The following GYG1 variants were observed in gnomAD, a reference collection of about 807,000 sequenced individuals.
GYG1 encodes the protein glycogenin 1, also known as glycogenin-1.
Under a neutral mutation model 41.9 loss-of-function variants are expected in GYG1, and 44 were observed. That is an observed-to-expected ratio of 1.05 (90% CI 0.83 to 1.35). The LOEUF (loss-of-function observed/expected upper bound fraction) is 1.35, where lower values mean the gene tolerates loss of function less well. GYG1 is among the 40% of genes most tolerant of loss of function. GYG1 has a pLI of 0.00. For missense variants in GYG1, 429 were observed against 418.9 expected (o/e 1.02, Z -0.21); for synonymous variants, 141 against 158.1 (o/e 0.89, Z 0.81).
At chr3:149,012,934 T>C (rs1282928799) in intron 5 of GYG1, among the ~76,000 whole-genome samples, 1 of 151,914 alleles carries the variant, frequency 6.6e-6, no homozygotes, top group East Asian at 1.9e-4. Context: ...CAAGTGATCC[T>C]CCTGCCTCAG....
At chr3:149,009,492 G>A in intron 5 of GYG1, 90 bp downstream of exon 5, 1 of 1,242,956 alleles carries the variant, frequency 8.0e-7, no homozygotes. Context: ...GTCATTCCGA[G>A]GGAAATAACA....
chr3:149,026,476 G>T lies in GYG1; in HGVS notation c.853G>T (p.Ala285Ser). 2 of 1,606,478 alleles carry T rather than the reference G, an allele frequency of 1.2e-6. No individual in the cohort carries two copies. Among genetic ancestry groups the T allele is most frequent in the Non-Finnish European group, 1.7e-6 (2 of 1,173,110 alleles). The change falls in exon 7 of 8, where the codon GCT becomes TCT. Residue 285 changes from alanine to serine, a missense_variant. By Grantham distance (99) the Ala-to-Ser change is moderately conservative (BLOSUM62 1). Coordinates refer to ENST00000345003, the MANE Select transcript of GYG1 (RefSeq NM_004130.4). ...NVLSDLVYTL[A>S]FSCGFCRKED... ...GCTTTCAGACTTGGTCTATACACTG[G>T]CTTTCTCTTGTGGCTTCTGTAGAAA...
At chr3:149,010,194 C>T (rs75341407) in intron 5 of GYG1, among the ~76,000 whole-genome samples, 3 of 152,130 alleles carry the variant, frequency 2.0e-5, no homozygotes, top group Admixed American at 6.5e-5. Context: ...ATATGTAAAA[C>T]GAGGAGGAAA....
intron 5 of GYG1, among the ~76,000 whole-genome samples, chr3:149,020,107 C>A (rs1415711730): frequency 6.6e-6 from 1 of 152,210 alleles, no homozygotes. Flanking sequence ...TAAGCACCAC[C>A]CATTTCTTGT....
intron 5 of GYG1, 38 bp downstream of exon 5, chr3:149,009,440 A>G (rs1180278518): frequency 6.2e-7 from 1 of 1,606,872 alleles, no homozygotes; most frequent in Non-Finnish European, 8.5e-7. Context: ...GGAGATGTTG[A>G]GGGCAGAGAA....
intron 4 of GYG1, among the ~76,000 whole-genome samples, chr3:149,000,142 A>G (rs1460199712): frequency 1.3e-5 from 2 of 152,240 alleles, no homozygotes; most frequent in Non-Finnish European, 2.9e-5. Context: ...GACTCTGGCC[A>G]AGAGAATAAT....
At chr3:149,021,205 T>C (rs16861300) in intron 5 of GYG1, among the ~76,000 whole-genome samples, 1 of 152,222 alleles carries the variant, frequency 6.6e-6, no homozygotes. Context: ...TTTATGCAGA[T>C]GACCCATCTT....
At chr3:149,020,212 A>C (rs1275856940) in intron 5 of GYG1, among the ~76,000 whole-genome samples, 1 of 152,218 alleles carries the variant, frequency 6.6e-6, no homozygotes, top group Non-Finnish European at 1.5e-5. Context: ...CTTACTTCAT[A>C]ATATGCTTTC....
Position 149,029,947 on chromosome 3 carries a change from C to A in GYG1, c.*3014C>A, listed in dbSNP as rs963248938. Among the ~76,000 whole-genome samples the A allele has an allele frequency of 4.6e-5, 7 of 152,160 alleles. No homozygotes were observed. Among genetic ancestry groups the A allele is most frequent in the Admixed American group, 3.9e-4 (6 of 15,286 alleles). Reference sequence around the variant, plus strand: ...TAAATAAGCACTCTTGATTTCTGAACAAGAATTTCAACCAGCTAAATTGAG... The same window carrying A: ...TAAATAAGCACTCTTGATTTCTGAAAAAGAATTTCAACCAGCTAAATTGAG... On this transcript the variant is annotated 3_prime_UTR_variant, in exon 8 of 8. Coordinates refer to ENST00000345003, the MANE Select transcript of GYG1 (RefSeq NM_004130.4).
chr3:149,005,901 C>T (rs569501945), intron 4 of GYG1, among the ~76,000 whole-genome samples: 1 of 152,184 alleles, frequency 6.6e-6, no homozygotes, highest in East Asian at 1.9e-4. Context: ...GACATTGGAC[C>T]AATCCACCAA....
At chr3:149,011,067 A>G (rs1203385770) in intron 5 of GYG1, among the ~76,000 whole-genome samples, 1 of 152,188 alleles carries the variant, frequency 6.6e-6, no homozygotes, top group Admixed American at 6.5e-5. Flanking sequence ...TTCCCTTGGT[A>G]TATGTCTCCA....
In GYG1 at chr3:148,991,627, C is replaced by G; in HGVS notation, c.-14C>G. 2 of 1,552,648 alleles carry G rather than the reference C, an allele frequency of 1.3e-6. No homozygotes were observed. Among genetic ancestry groups the G allele is most frequent in the East Asian group, 4.8e-5 (2 of 41,670 alleles). On this transcript the variant is annotated 5_prime_UTR_variant, in exon 1 of 8. Transcript: ENST00000345003. The stretch of plus-strand genomic sequence containing the variant: ...CCTGAGGCTGCCCCGGCCGCCTGCG[C>G]ACCCGGCAGCACCATGACAGGTACC...
In GYG1 at chr3:148,996,309, T is replaced by C; in HGVS notation, c.151T>C (p.Leu51=). 1 of 1,610,412 alleles carries C rather than the reference T, an allele frequency of 6.2e-7. No individual in the cohort carries two copies. Among genetic ancestry groups the C allele is most frequent in the Non-Finnish European group, 8.5e-7 (1 of 1,178,386 alleles). ...PQVSDSMRKV[L]ETVFDEVIMV... The stretch of plus-strand genomic sequence containing the variant: ...TGGATTTTATTTTGACAGAAAAGTT[T>C]TAGAGACAGTCTTTGATGAAGTCAT... Residue 51 remains leucine (L), a synonymous_variant, in exon 3 of 8, where the codon TTA becomes CTA. Coordinates refer to ENST00000345003, the MANE Select transcript of GYG1 (RefSeq NM_004130.4).
chr3:148,993,284 G>A (rs924249743), intron 1 of GYG1, among the ~76,000 whole-genome samples: 1 of 144,666 alleles, frequency 6.9e-6, no homozygotes, highest in Admixed American at 6.9e-5. Context: ...AGTGATTATT[G>A]GAGATTGGGG....
chr3:149,019,621 G>A lies in GYG1; in HGVS notation c.609-4432G>A, dbSNP rs561351468. 5.9e-5 allele frequency among the ~76,000 whole-genome samples: 9 copies of A among 152,252 alleles called. No individual in the cohort carries two copies. The South Asian group carries it at 1.9e-3, about 32-fold the overall frequency. On this transcript the variant is annotated intron_variant, in intron 5 of 7. Coordinates refer to ENST00000345003, the MANE Select transcript of GYG1 (RefSeq NM_004130.4). ...GGATACAGTTTTTTCACTTTGTTAG[G>A]GTAGAATAGGTAAAGAAGGTAATTT... is the stretch of plus-strand genomic sequence containing the variant.
At chr3:148,999,038 G>T (rs1012966336) in intron 4 of GYG1, among the ~76,000 whole-genome samples, 1 of 152,166 alleles carries the variant, frequency 6.6e-6, no homozygotes, top group African/African-American at 2.4e-5. Context: ...CCTAGAAAAC[G>T]ATTAGATGTT....
chr3:148,991,709 C>A, intron 1 of GYG1, 62 bp downstream of exon 1: 1 of 1,257,096 alleles, frequency 8.0e-7, no homozygotes, highest in Non-Finnish European at 1.1e-6. Flanking sequence ...CAGCCGCCGC[C>A]TCCCTTCTCC....
rs1158854635 is a variant in GYG1 at position 149,027,614 on chromosome 3, TAA to T, written c.*684_*685del. 6.6e-6 allele frequency: 1 copy of T among 152,592 alleles called. No homozygotes were observed. The highest frequency in any genetic ancestry group is 1.9e-4 in the East Asian group (1 of 5,200). The allele number at this position is 152,592 out of a possible 1,614,324, so 9.5% of individuals were successfully genotyped here. ...CTGCAGTGGCACCCTGTACAAAAAA[TAA>T]AAGACTTATTGCTGTATCTTGGTTG... On this transcript the variant is annotated 3_prime_UTR_variant, in exon 8 of 8. Transcript: ENST00000345003.
At position 149,017,582 on chromosome 3, in the gene GYG1, G is replaced by GTTTTTTTTTTTTTTTTTTTTTTTTTTTT. The variant is rs58075146; in HGVS notation, c.609-6468_609-6441dup. On this transcript the variant is annotated intron_variant, in intron 5 of 7. Coordinates refer to ENST00000345003, the MANE Select transcript of GYG1 (RefSeq NM_004130.4). ...TTATTTATTTATTTCTTTTATTTAG[G>GTTTTTTTTTTTTTTTTTTTTTTTTTTTT]TTTTTTTTTTTTTTTTTTTTTTTTT... 4.2e-5 allele frequency among the ~76,000 whole-genome samples: 2 copies of GTTTTTTTTTTTTTTTTTTTTTTTTTTTT among 47,382 alleles called. 1 individual carries two copies. Among genetic ancestry groups the GTTTTTTTTTTTTTTTTTTTTTTTTTTTT allele is most frequent in the Non-Finnish European group, 9.6e-5 (2 of 20,918 alleles). 31.1% of individuals were successfully genotyped at this position (47,382 alleles called of 152,430 possible).
Sources: allele counts gnomAD v4.1 joint callset (sites outside exome capture counted in the v4.1 genomes callset), GRCh38; gene constraint gnomAD v4.1.1; transcripts MANE v1.5; gene names NCBI Gene and HGNC (gene_info 2026-07-23, HGNC 2026-07-21).